HOXD11: variants seen among roughly 807,000 people sequenced by gnomAD.
HOXD11 encodes the protein homeobox D11, also known as homeobox protein Hox-D11.
Under a neutral mutation model 23.1 loss-of-function variants are expected in HOXD11, and 16 were observed. That is an observed-to-expected ratio of 0.69 (90% CI 0.47 to 1.05). The LOEUF (loss-of-function observed/expected upper bound fraction) is 1.05, where lower values mean the gene tolerates loss of function less well. Among genes scored for constraint, HOXD11 ranks in the 50% least tolerant of loss-of-function variants. The pLI, the probability that HOXD11 is intolerant of heterozygous loss-of-function variation, is 0.00. For missense variants in HOXD11, 564 were observed against 495.6 expected, an observed-to-expected ratio of 1.14 and a Z score of -1.31; for synonymous variants, 262 against 224.4, an observed-to-expected ratio of 1.17 and a Z score of -1.50.
chr2:176,110,814 C>T (rs1162675438), downstream of HOXD11, among the ~76,000 whole-genome samples: 3 of 152,208 alleles, frequency 2.0e-5, no homozygotes, highest in East Asian at 1.9e-4. Context: ...GGATCAATAA[C>T]CTTAATTTCC....
chr2:176,107,590 G>A lies in HOXD11; in HGVS notation c.235G>A (p.Gly79Ser), dbSNP rs760375259. ...ERAKWPYRGGGGGGSAGGGSS... is the reference protein window; with the variant it reads ...ERAKWPYRGGSGGGSAGGGSS... ...CGCCAAGTGGCCGTACCGCGGCGGC[G>A]GCGGCGGCGGCAGCGCGGGGGGCGG... The change falls in exon 1 of 2, where the codon GGC becomes AGC. Residue 79 changes from glycine (G) to serine (S), a missense_variant. Physicochemically the swap from Gly to Ser is moderately conservative, Grantham distance 56. Transcript: ENST00000249504. 25 of 1,375,634 alleles carry A rather than the reference G, an allele frequency of 1.8e-5. No individual in the cohort carries two copies. The highest frequency in any genetic ancestry group is 2.2e-5 in the Non-Finnish European group (23 of 1,050,856). 85.2% of individuals were successfully genotyped at this position (1,375,634 alleles called of 1,614,324 possible).
chr2:176,112,537 C>T (rs536425070), downstream of HOXD11, among the ~76,000 whole-genome samples: 18 of 152,332 alleles, frequency 1.2e-4, no homozygotes, highest in South Asian at 3.7e-3. Context: ...GTGGGGAGGC[C>T]GGGGCTCCAG....
In HOXD11 at chr2:176,108,052, G is replaced by A; in HGVS notation, c.697G>A (p.Glu233Lys). 2 of 1,489,286 alleles carry A rather than the reference G, an allele frequency of 1.3e-6. No homozygotes were observed. Among genetic ancestry groups the A allele is most frequent in the Non-Finnish European group, 1.8e-6 (2 of 1,125,626 alleles). The allele number at this position is 1,489,286 out of a possible 1,614,324, so 92.3% of individuals were successfully genotyped here. The change falls in exon 1 of 2, where the codon GAG (glutamate) becomes AAG (lysine). Residue 233 changes from glutamate to lysine, a missense_variant. Transcript: ENST00000249504. ...CTGCACCAAGGCGACCCCTGGCTCG[G>A]AGCCCAAGGGGGCAGCAGAAGGCAG... ...SPCTKATPGS[E>K]PKGAAEGSGG... is the part of the protein sequence containing the mutation.
At chr2:176,108,282 C>T (rs904943561) in intron 1 of HOXD11, 146 bp downstream of exon 1, 3 of 561,420 alleles carry the variant, frequency 5.3e-6, no homozygotes, top group Non-Finnish European at 8.2e-6. Flanking sequence ...TTTCCTGGGC[C>T]GTTGTAAAGT....
At position 176,109,007 on chromosome 2, in the gene HOXD11, GA is replaced by G; in HGVS notation, c.886del (p.Arg296AspfsTer24). On this transcript the variant is annotated frameshift_variant, in exon 2 of 2. Transcript: ENST00000249504. LOFTEE classifies it high-confidence loss of function. ...TCTTTAACGTGTACATAAACAAAGA[GA>G]AAAGACTTCAACTCTCTCGGATGCT... ...FFFNVYINKEKRLQLSRMLNL... is the reference protein window; with the variant it reads ...FFFNVYINKEXRLQLSRMLNL... The G allele has an allele frequency of 6.2e-7, 1 of 1,614,056 alleles. No individual in the cohort carries two copies. Among genetic ancestry groups the G allele is most frequent in the Non-Finnish European group, 8.5e-7 (1 of 1,179,888 alleles).
the HOXD11 span, among the ~76,000 whole-genome samples, chr2:176,115,624 A>C: frequency 6.6e-6 from 1 of 152,220 alleles, no homozygotes; most frequent in Non-Finnish European, 1.5e-5. Flanking sequence ...AATTTTATTG[A>C]TCGCCCTGAT....
chr2:176,107,808 GGGGCCGCCGCA>G lies in HOXD11; in HGVS notation c.454_464del (p.Gly152ArgfsTer133). The stretch of plus-strand genomic sequence containing the variant: ...CGCCTGAGCCGGTGTGCGCTGCGCC[GGGGCCGCCGCA>G]CGGCCCCGCGGGCGCCGCCTCCAAC... On this transcript the variant is annotated frameshift_variant, in exon 1 of 2. Coordinates refer to ENST00000249504, the MANE Select transcript of HOXD11 (RefSeq NM_021192.3). LOFTEE classifies it high-confidence loss of function. 1 of 1,394,390 alleles carries G rather than the reference GGGGCCGCCGCA, an allele frequency of 7.2e-7. No homozygotes were observed. Among genetic ancestry groups the G allele is most frequent in the Non-Finnish European group, 9.3e-7 (1 of 1,073,758 alleles). 86.4% of individuals were successfully genotyped at this position (1,394,390 alleles called of 1,614,324 possible).
chr2:176,114,758 A>C, the HOXD11 span, among the ~76,000 whole-genome samples: 1 of 152,260 alleles, frequency 6.6e-6, no homozygotes, highest in Non-Finnish European at 1.5e-5. Flanking sequence ...CAGGCCCCAA[A>C]GAAATGTTCT....
At chr2:176,108,687 G>GTGTGTGTT (rs1689625676) in intron 1 of HOXD11, 1 of 578,572 alleles carries the variant, frequency 1.7e-6, no homozygotes, top group Non-Finnish European at 3.1e-6. Flanking sequence ...GTGTGTGTGT[G>GTGTGTGTT]TGTGTGTGTG....
rs1689649578 is a variant in HOXD11, at chr2:176,109,737, G to T, written c.*595G>T. 5.4e-6 allele frequency: 1 copy of T among 183,616 alleles called. No homozygotes were observed. The highest frequency in any genetic ancestry group is 8.8e-5 in the East Asian group (1 of 11,326). 11.4% of individuals were successfully genotyped at this position (183,616 alleles called of 1,614,324 possible). A position where few individuals can be genotyped will look rare whatever the true frequency, so the allele number is the denominator to read the frequency against. ...GCCAGAACCCATGCAACTGAAAATCGAATGAAATACTTTTTAGTCCCACTA... is the reference window on the plus strand; with the variant it reads ...GCCAGAACCCATGCAACTGAAAATCTAATGAAATACTTTTTAGTCCCACTA... On this transcript the variant is annotated 3_prime_UTR_variant, in exon 2 of 2. Coordinates refer to ENST00000249504, the MANE Select transcript of HOXD11 (RefSeq NM_021192.3).
chr2:176,111,840 A>AAAAAAAAAAAAAAC (rs1553518459), downstream of HOXD11, among the ~76,000 whole-genome samples: 4 of 140,724 alleles, frequency 2.8e-5, no homozygotes, highest in Non-Finnish European at 3.2e-5. Flanking sequence ...AAAAAAAAAA[A>AAAAAAAAAAAAAAC]AAAAAAAAAC....
downstream of HOXD11, among the ~76,000 whole-genome samples, chr2:176,113,145 T>C (rs952720955): frequency 9.9e-5 from 15 of 152,144 alleles, no homozygotes; most frequent in Non-Finnish European, 1.9e-4. Flanking sequence ...AGGTGCACAG[T>C]GCAACCCGGA....
rs1161309437 is a variant in HOXD11, at chr2:176,107,941, CCGCCGCCACCCG to C, written c.596_607del (p.Pro199_Pro202del). The C allele has an allele frequency of 7.1e-7, 1 of 1,404,604 alleles. No homozygotes were observed. Among genetic ancestry groups the C allele is most frequent in the South Asian group, 1.6e-5 (1 of 64,270 alleles). 87.0% of individuals were successfully genotyped at this position (1,404,604 alleles called of 1,614,324 possible). A position where few individuals can be genotyped will look rare whatever the true frequency, so the allele number is the denominator to read the frequency against. On this transcript the variant is annotated inframe_deletion, in exon 1 of 2. Transcript: ENST00000249504. ...GCCCCCGTTCGCCGGGCCGCAGCCC[CCGCCGCCACCCG>C]CGCCGCCACAGCCCGAGGGCGCAGC...
chr2:176,111,843 A>AAAAAAAAAAAAAAC (rs1559115548), downstream of HOXD11, among the ~76,000 whole-genome samples: 60 of 148,204 alleles, frequency 4.0e-4, 1 homozygote, highest in African/African-American at 1.5e-3. Context: ...AAAAAAAAAA[A>AAAAAAAAAAAAAAC]AAAAAACCTT....
Position 176,109,412 on chromosome 2 carries a change from T to C in HOXD11, c.*270T>C, listed in dbSNP as rs1689644799. On this transcript the variant is annotated 3_prime_UTR_variant, in exon 2 of 2. Coordinates refer to ENST00000249504, the MANE Select transcript of HOXD11 (RefSeq NM_021192.3). ...ACCGCCAGTGTGCTGTCGTTCCCCC[T>C]CCCCCTCTCCGAGTCCTCGTGGGGA... is the stretch of plus-strand genomic sequence containing the variant. The C allele has an allele frequency of 5.1e-6, 2 of 389,160 alleles. No individual in the cohort carries two copies. Among genetic ancestry groups the C allele is most frequent in the South Asian group, 4.0e-5 (1 of 25,294 alleles). The allele number at this position is 389,160 out of a possible 1,614,324, so 24.1% of individuals were successfully genotyped here. A position where few individuals can be genotyped will look rare whatever the true frequency, so the allele number is the denominator to read the frequency against.
chr2:176,107,826 CG>C lies in HOXD11; in HGVS notation c.472del (p.Ala158ArgfsTer134). On this transcript the variant is annotated frameshift_variant, in exon 1 of 2. Transcript: ENST00000249504. LOFTEE classifies it high-confidence loss of function. ...CTGCGCCGGGGCCGCCGCACGGCCC[CG>C]CGGGCGCCGCCTCCAACTTCTACAG... is the stretch of plus-strand genomic sequence containing the variant. Reference protein sequence around the residue: ...CAAPGPPHGPAGAASNFYSAV... With the variant: ...CAAPGPPHGPXGAASNFYSAV... The C allele has an allele frequency of 7.0e-7, 1 of 1,424,052 alleles. No individual in the cohort carries two copies. The highest frequency in any genetic ancestry group is 9.2e-7 in the Non-Finnish European group (1 of 1,086,548). The allele number at this position is 1,424,052 out of a possible 1,614,324, so 88.2% of individuals were successfully genotyped here. A position where few individuals can be genotyped will look rare whatever the true frequency, so the allele number is the denominator to read the frequency against.
At chr2:176,113,671 T>A (rs1689706635), downstream of HOXD11, among the ~76,000 whole-genome samples, 1 of 152,242 alleles carries the variant, frequency 6.6e-6, no homozygotes, top group South Asian at 2.1e-4. Flanking sequence ...CTCAATTTTT[T>A]AATGATAAAA....
At chr2:176,111,184 G>A (rs185286725), downstream of HOXD11, among the ~76,000 whole-genome samples, 51 of 152,304 alleles carry the variant, frequency 3.3e-4, no homozygotes, top group African/African-American at 1.2e-3. Context: ...GAAAAATTTC[G>A]TTAAGAAGGG....
downstream of HOXD11, among the ~76,000 whole-genome samples, chr2:176,113,655 A>C (rs72923449): frequency 0.025 from 3,823 of 152,154 alleles, 62 homozygotes; most frequent in Non-Finnish European, 0.037. Context: ...TATTATTTCT[A>C]TCTTGCTCAA....
Sources: gnomAD v4.1 joint callset for allele counts (sites outside exome capture counted in the v4.1 genomes callset) on GRCh38, gnomAD v4.1.1 for gene constraint, MANE v1.5 for transcripts, NCBI Gene and HGNC (gene_info 2026-07-23, HGNC 2026-07-21) for gene names.